Variants in TBCK observed in about 807,000 individuals in gnomAD.
The protein encoded by TBCK is TBC domain-containing protein kinase-like protein.
TBCK carries 99 observed loss-of-function variants against 113.4 expected under a neutral mutation model. The ratio of observed to expected loss-of-function variants is 0.87; its 90% CI spans 0.74 to 1.03. The LOEUF is 1.03. TBCK is among the 50% of genes least tolerant of loss of function. TBCK has a pLI of 0.00. For synonymous variants in TBCK, 369 were observed against 370.8 expected (o/e 1.00, Z 0.05); for missense variants, 1,045 against 1,061.3 (o/e 0.98, Z 0.21).
chr4:106,256,100 G>T (rs1298244529), intron 5 of TBCK, among the ~76,000 whole-genome samples: 1 of 152,146 alleles, frequency 6.6e-6, no homozygotes, highest in Non-Finnish European at 1.5e-5. Context: ...GTCCTCAGAG[G>T]GAAGAAGTGC....
chr4:106,116,161 A>C (rs1306340463), intron 24 of TBCK, 42 bp downstream of exon 24: 1 of 1,566,716 alleles, frequency 6.4e-7, no homozygotes, highest in South Asian at 1.2e-5. Flanking sequence ...TGCAATACAA[A>C]TAAGCAGTAC....
At chr4:106,064,536 GT>G (rs1194747926) in intron 25 of TBCK, among the ~76,000 whole-genome samples, 4 of 151,694 alleles carry the variant, frequency 2.6e-5, no homozygotes, top group Non-Finnish European at 4.4e-5. Context: ...AAGATGAACT[GT>G]CTCTAATATT....
In TBCK at chr4:106,054,394, C is replaced by A. The variant is rs185396734; in HGVS notation, c.2572-7714G>T. The stretch of plus-strand genomic sequence containing the variant: ...AAAATATGAGTCGGATGATATAACA[C>A]CCTTTGTTCCACATCTTCTATTGGC... On this transcript the variant is annotated intron_variant, in intron 25 of 25. Transcript: ENST00000394708. Among the ~76,000 whole-genome samples, 5 of 151,776 alleles carry A rather than the reference C, an allele frequency of 3.3e-5. No individual in the cohort carries two copies. In the East Asian group the frequency reaches 5.8e-4, roughly 18 times the overall value.
chr4:106,133,867 G>A (rs376872642), intron 23 of TBCK, among the ~76,000 whole-genome samples: 14 of 152,000 alleles, frequency 9.2e-5, no homozygotes, highest in South Asian at 8.3e-4. Context: ...AAAATTAGCC[G>A]GGCATGGTGG....
intron 24 of TBCK, among the ~76,000 whole-genome samples, chr4:106,112,934 C>T (rs575378689): frequency 1.6e-4 from 25 of 152,294 alleles, no homozygotes; most frequent in South Asian, 4.1e-4. Context: ...CTCACAGGCA[C>T]GTTCCCTCCT....
At chr4:106,311,355 C>T (rs917825212) in intron 1 of TBCK, among the ~76,000 whole-genome samples, 12 of 151,708 alleles carry the variant, frequency 7.9e-5, no homozygotes, top group Admixed American at 6.6e-4. Flanking sequence ...ATAAATTGTG[C>T]TTTATTCACC....
At chr4:106,256,672 A>T (rs1762025080) in intron 5 of TBCK, among the ~76,000 whole-genome samples, 1 of 152,096 alleles carries the variant, frequency 6.6e-6, no homozygotes, top group South Asian at 2.1e-4. Context: ...TGTGCCCGGG[A>T]ACGTGGGGCT....
chr4:106,174,742 G>A (rs1005427440), intron 22 of TBCK, among the ~76,000 whole-genome samples: 9 of 151,898 alleles, frequency 5.9e-5, no homozygotes, highest in East Asian at 1.9e-4. Flanking sequence ...TACTTTCCAC[G>A]TGTATTTTTG....
At chr4:106,293,830 A>G (rs1220553723) in intron 3 of TBCK, among the ~76,000 whole-genome samples, 1 of 152,252 alleles carries the variant, frequency 6.6e-6, no homozygotes, top group East Asian at 1.9e-4. Flanking sequence ...TTTCAAAACT[A>G]GGATGGATAA....
intron 25 of TBCK, among the ~76,000 whole-genome samples, chr4:106,049,567 A>G (rs539827254): frequency 6.6e-6 from 1 of 152,186 alleles, no homozygotes; most frequent in African/African-American, 2.4e-5. Flanking sequence ...AATAAGTCAC[A>G]TCATACATGG....
chr4:106,089,521 C>A (rs1451841107), intron 25 of TBCK, among the ~76,000 whole-genome samples: 1 of 152,164 alleles, frequency 6.6e-6, no homozygotes, highest in East Asian at 1.9e-4. Flanking sequence ...AAATTCTTAA[C>A]CTGCTTCAGC....
At chr4:106,244,545 G>A (rs544211762) in intron 11 of TBCK, 81 bp downstream of exon 11, 36 of 1,150,754 alleles carry the variant, frequency 3.1e-5, no homozygotes, top group African/African-American at 1.1e-4. Flanking sequence ...AAAAAACACC[G>A]ATTTTCTTTT....
intron 23 of TBCK, among the ~76,000 whole-genome samples, chr4:106,130,899 TTATAA>T (rs1232461589): frequency 1.3e-5 from 2 of 152,276 alleles, no homozygotes; most frequent in East Asian, 3.9e-4. Context: ...ATGACTATAC[TTATAA>T]TAGGTAATAG....
intron 23 of TBCK, among the ~76,000 whole-genome samples, chr4:106,161,371 C>T (rs1749773393): frequency 6.6e-6 from 1 of 152,094 alleles, no homozygotes; most frequent in Admixed American, 6.6e-5. Flanking sequence ...CACAAAGGCT[C>T]AGGGCCTATC....
At chr4:106,276,307 TA>T (rs1178864320) in intron 3 of TBCK, among the ~76,000 whole-genome samples, 2 of 152,222 alleles carry the variant, frequency 1.3e-5, no homozygotes, top group Admixed American at 1.3e-4. Context: ...GATTCTAGAA[TA>T]AAATATGGGA....
At chr4:106,081,038 G>A (rs1738797255) in intron 25 of TBCK, among the ~76,000 whole-genome samples, 1 of 152,148 alleles carries the variant, frequency 6.6e-6, no homozygotes, top group African/African-American at 2.4e-5. Context: ...CAAGGTTGCA[G>A]AGAAAAAGGA....
At chr4:106,280,270 T>C (rs888813954) in intron 3 of TBCK, among the ~76,000 whole-genome samples, 3 of 152,154 alleles carry the variant, frequency 2.0e-5, no homozygotes, top group African/African-American at 7.2e-5. Flanking sequence ...TGCCCATTTT[T>C]ATTGGAATAT....
chr4:106,296,124 AGCCTATACTTTTTTTT>A (rs1397321142), intron 2 of TBCK, among the ~76,000 whole-genome samples: 5 of 152,178 alleles, frequency 3.3e-5, no homozygotes, highest in Non-Finnish European at 7.4e-5. Flanking sequence ...TCTAAGGGCC[AGCCTATACTTTTTTTT>A]GCCTCATCCA....
intron 23 of TBCK, among the ~76,000 whole-genome samples, chr4:106,122,126 A>G (rs1744479142): frequency 6.6e-6 from 1 of 152,120 alleles, no homozygotes; most frequent in Non-Finnish European, 1.5e-5. Flanking sequence ...ATAGACCGCT[A>G]GCAAGACTAA....
Sources: allele counts gnomAD v4.1 joint callset (sites outside exome capture counted in the v4.1 genomes callset), GRCh38; gene constraint gnomAD v4.1.1; transcripts MANE v1.5; gene names NCBI Gene and HGNC (gene_info 2026-07-23, HGNC 2026-07-21).